Variants in EIF4G3 observed in about 807,000 individuals in gnomAD.
EIF4G3 encodes the protein eIF-4-gamma 3.
Under a neutral mutation model 186.4 loss-of-function variants are expected in EIF4G3, and 34 were observed. The observed-to-expected ratio is 0.18, with a 90% CI of 0.14 to 0.24. EIF4G3 has a LOEUF of 0.24. EIF4G3 is among the 10% of genes least tolerant of loss of function. EIF4G3 has a pLI of 1.00. For missense variants in EIF4G3, 1,536 were observed against 1,948.5 expected (o/e 0.79, Z 3.99); for synonymous variants, 673 against 679.5 (o/e 0.99, Z 0.15).
At chr1:21,083,000 T>C (rs1009031860) in intron 3 of EIF4G3, among the ~76,000 whole-genome samples, 1 of 126,314 alleles carries the variant, frequency 7.9e-6, no homozygotes, top group Admixed American at 9.3e-5. Context: ...ATCTCGCCAC[T>C]GCACTCCAAC....
chr1:21,044,729 C>T (rs2093782620), intron 4 of EIF4G3, among the ~76,000 whole-genome samples: 2 of 151,254 alleles, frequency 1.3e-5, no homozygotes, highest in South Asian at 4.2e-4. Context: ...CTCACTGCAG[C>T]CTTAACATCC....
At chr1:20,956,478 A>G (rs767312563) in intron 12 of EIF4G3, among the ~76,000 whole-genome samples, 28 of 152,166 alleles carry the variant, frequency 1.8e-4, no homozygotes, top group Admixed American at 5.9e-4. Flanking sequence ...TTAGGCTACA[A>G]TAACAGCAGT....
intron 7 of EIF4G3, among the ~76,000 whole-genome samples, chr1:20,989,081 G>GGAGA (rs2080335405): frequency 8.1e-5 from 3 of 36,914 alleles, no homozygotes; most frequent in Non-Finnish European, 1.8e-4. Context: ...GGGAGGGGAG[G>GGAGA]GGAGAGGAGA....
chr1:20,838,965 C>A (rs2067591353), intron 30 of EIF4G3, among the ~76,000 whole-genome samples: 1 of 152,160 alleles, frequency 6.6e-6, no homozygotes, highest in African/African-American at 2.4e-5. Context: ...GTGTGAGCCA[C>A]CATGCCCAGC....
chr1:21,096,739 T>C (rs2096382027), intron 2 of EIF4G3, among the ~76,000 whole-genome samples: 1 of 152,222 alleles, frequency 6.6e-6, no homozygotes, highest in South Asian at 2.1e-4. Context: ...AACTGAATGC[T>C]ACTCACATAT....
At chr1:20,932,078 T>C (rs2095336896) in intron 14 of EIF4G3, among the ~76,000 whole-genome samples, 1 of 152,210 alleles carries the variant, frequency 6.6e-6, no homozygotes, top group Admixed American at 6.5e-5. Flanking sequence ...TCTGGATAAC[T>C]TCCTGTGGCT....
intron 2 of EIF4G3, among the ~76,000 whole-genome samples, chr1:21,095,518 G>A (rs2096342695): frequency 6.6e-6 from 1 of 151,962 alleles, no homozygotes; most frequent in Non-Finnish European, 1.5e-5. Context: ...TCCCTATATT[G>A]CCCAGGCTAG....
intron 3 of EIF4G3, among the ~76,000 whole-genome samples, chr1:21,060,084 T>C (rs1435609064): frequency 2.6e-5 from 4 of 152,242 alleles, no homozygotes; most frequent in Non-Finnish European, 4.4e-5. Context: ...CCTGAGTAGC[T>C]GGGACTACAG....
chr1:21,155,454 G>C (rs2097642035), intron 2 of EIF4G3, among the ~76,000 whole-genome samples: 1 of 152,008 alleles, frequency 6.6e-6, no homozygotes, highest in Non-Finnish European at 1.5e-5. Flanking sequence ...GAAAACTCCA[G>C]GTTCAAATTA....
rs904006210 is a variant in EIF4G3 at position 21,005,781 on chromosome 1, C to T, written c.-66-2973G>A. ...TGCCTTTTTCCAGATTATATCATTG[C>T]TCTGAAAGTGATTACTAAAAAAAAC... On this transcript the variant is annotated intron_variant, in intron 4 of 36. Coordinates refer to ENST00000602326, the MANE Select transcript of EIF4G3 (RefSeq NM_001391906.1). Among the ~76,000 whole-genome samples the T allele has an allele frequency of 2.6e-5, 4 of 152,178 alleles. No homozygotes were observed. The South Asian group carries it at 6.2e-4, about 24-fold the overall frequency.
rs1188716349 is a variant in EIF4G3, at chr1:20,942,346, T to C, written c.824-16A>G. ...GGCTTCTCCTCTGGGGAAAAAAAAA[T>C]AAGTTTTAAGAATAATTCTTGGATC... On this transcript the variant is annotated splice_polypyrimidine_tract_variant and intron_variant, in intron 13 of 36. Coordinates refer to ENST00000602326, the MANE Select transcript of EIF4G3 (RefSeq NM_001391906.1). The C allele has an allele frequency of 2.6e-6, 4 of 1,535,622 alleles. No homozygotes were observed. Among genetic ancestry groups the C allele is most frequent in the Non-Finnish European group, 3.5e-6 (4 of 1,146,836 alleles).
intron 12 of EIF4G3, among the ~76,000 whole-genome samples, chr1:20,957,179 T>C (rs929372341): frequency 6.6e-6 from 1 of 152,060 alleles, no homozygotes; most frequent in Non-Finnish European, 1.5e-5. Context: ...AAATAAAAGC[T>C]TGAAGGCAGA....
chr1:20,858,971 G>A (rs892647676), intron 24 of EIF4G3, among the ~76,000 whole-genome samples: 14 of 152,214 alleles, frequency 9.2e-5, no homozygotes, highest in African/African-American at 3.4e-4. Context: ...ACTCCAGCCT[G>A]GGCGACAGAG....
intron 15 of EIF4G3, among the ~76,000 whole-genome samples, chr1:20,903,490 C>A (rs909535531): frequency 6.6e-6 from 1 of 152,158 alleles, no homozygotes; most frequent in Non-Finnish European, 1.5e-5. Flanking sequence ...ACAGCCACAG[C>A]AGGAATGTAT....
chr1:20,989,450 G>A (rs189487558), intron 7 of EIF4G3, among the ~76,000 whole-genome samples: 139 of 150,966 alleles, frequency 9.2e-4, no homozygotes, highest in African/African-American at 3.3e-3. Context: ...CCAGCTACTC[G>A]GGAGGGTGAG....
intron 2 of EIF4G3, among the ~76,000 whole-genome samples, chr1:21,129,852 C>T (rs866374359): frequency 6.6e-6 from 1 of 151,952 alleles, no homozygotes; most frequent in South Asian, 2.1e-4. Context: ...CGAGAACTAC[C>T]ACAAATATAA....
chr1:20,834,395 G>A (rs577488310), intron 30 of EIF4G3, among the ~76,000 whole-genome samples: 6 of 152,172 alleles, frequency 3.9e-5, no homozygotes, highest in Non-Finnish European at 7.4e-5. Context: ...CCTTGATTGC[G>A]CCACTGCACT....
intron 4 of EIF4G3, among the ~76,000 whole-genome samples, chr1:21,022,274 G>C (rs2090908606): frequency 6.6e-6 from 1 of 152,124 alleles, no homozygotes. Flanking sequence ...TCAATGATGG[G>C]TGTCCATTAT....
chr1:20,818,689 G>A (rs1377571206), intron 33 of EIF4G3, among the ~76,000 whole-genome samples: 1 of 151,982 alleles, frequency 6.6e-6, no homozygotes, highest in Non-Finnish European at 1.5e-5. Flanking sequence ...ATTTTCAAAG[G>A]ACTAAAGAAA....
Sources: gnomAD v4.1 joint callset for allele counts (sites outside exome capture counted in the v4.1 genomes callset) on GRCh38, gnomAD v4.1.1 for gene constraint, MANE v1.5 for transcripts, NCBI Gene and HGNC (gene_info 2026-07-23, HGNC 2026-07-21) for gene names.